ARID2: variants seen among roughly 807,000 people sequenced by gnomAD.
ARID2 encodes the protein AT-rich interactive domain-containing protein 2.
Under a neutral mutation model 184.6 loss-of-function variants are expected in ARID2, and 32 were observed. That is an observed-to-expected ratio of 0.17 (90% CI 0.13 to 0.23). The LOEUF is 0.23. Among genes scored for constraint, ARID2 ranks in the 10% least tolerant of loss-of-function variants. The probability of loss-of-function intolerance (pLI) is 1.00; values close to 1 mark genes in which losing one functional copy is unlikely to be tolerated. For missense variants in ARID2, 1,696 were observed against 2,197.6 expected, an observed-to-expected ratio of 0.77 and a Z score of 4.56; for synonymous variants, 836 against 772.6, an observed-to-expected ratio of 1.08 and a Z score of -1.36.
intron 6 of ARID2, among the ~76,000 whole-genome samples, chr12:45,821,804 G>A (rs140706663): frequency 6.6e-6 from 1 of 152,236 alleles, no homozygotes; most frequent in Non-Finnish European, 1.5e-5. Flanking sequence ...TGTGTGTTCT[G>A]AAACTATGCA....
chr12:45,846,923 G>A lies in ARID2; in HGVS notation c.1566G>A (p.Lys522=). 28 of 1,612,960 alleles carry A rather than the reference G, an allele frequency of 1.7e-5. No homozygotes were observed. The highest frequency in any genetic ancestry group is 2.3e-5 in the Non-Finnish European group (27 of 1,179,252). ...GAATAGTGGAAATAGATAGTGAGAAGTTTGCTTGTCAGTGGTAAGTGGTTT... is the reference window on the plus strand; with the variant it reads ...GAATAGTGGAAATAGATAGTGAGAAATTTGCTTGTCAGTGGTAAGTGGTTT... ...PPGIVEIDSE[K]FACQWLNAHF... The change falls in exon 12 of 21, where the codon AAG becomes AAA. Residue 522 remains lysine (K), a synonymous_variant. Transcript: ENST00000334344.
chr12:45,841,342 A>C (rs1943338913), intron 11 of ARID2: 1 of 151,370 alleles, frequency 6.6e-6, no homozygotes, highest in Non-Finnish European at 1.5e-5. Context: ...TTTGTGGCTT[A>C]TTCATTTATG....
chr12:45,749,225 AAAC>A (rs1264302057), intron 3 of ARID2, among the ~76,000 whole-genome samples: 1 of 152,244 alleles, frequency 6.6e-6, no homozygotes, highest in Non-Finnish European at 1.5e-5. Context: ...AGCAGCATGA[AAAC>A]AACATTCATC....
At chr12:45,800,585 C>A (rs1005314220) in intron 3 of ARID2, among the ~76,000 whole-genome samples, 2 of 151,990 alleles carry the variant, frequency 1.3e-5, no homozygotes, top group Non-Finnish European at 2.9e-5. Flanking sequence ...AATAAAGATA[C>A]CTCTTTAAGC....
intron 16 of ARID2, among the ~76,000 whole-genome samples, chr12:45,879,541 C>T (rs1208106350): frequency 2.0e-5 from 3 of 152,180 alleles, no homozygotes; most frequent in South Asian, 2.1e-4. Context: ...CTGCAAGTTA[C>T]GGGCTCCAGC....
chr12:45,801,095 G>A (rs1260129706), intron 3 of ARID2, among the ~76,000 whole-genome samples: 1 of 152,210 alleles, frequency 6.6e-6, no homozygotes, highest in East Asian at 1.9e-4. Flanking sequence ...GGCGGATCAC[G>A]AGGTCAGGAG....
At chr12:45,821,610 A>G (rs886807128) in intron 6 of ARID2, 123 bp downstream of exon 6, 1 of 477,268 alleles carries the variant, frequency 2.1e-6, no homozygotes, top group African/African-American at 2.0e-5. Context: ...CCTAATACAT[A>G]TGCCATACAC....
chr12:45,745,517 G>T (rs769234138), intron 3 of ARID2, among the ~76,000 whole-genome samples: 9 of 152,090 alleles, frequency 5.9e-5, no homozygotes, highest in Non-Finnish European at 8.8e-5. Context: ...GACTATCAGA[G>T]ATTTCTTTGC....
intron 20 of ARID2, among the ~76,000 whole-genome samples, chr12:45,899,791 A>C (rs185463136): frequency 3.5e-5 from 5 of 143,230 alleles, no homozygotes; most frequent in African/African-American, 5.1e-5. Flanking sequence ...CCCCCCTCCC[A>C]CCTCCAAGGG....
intron 11 of ARID2, among the ~76,000 whole-genome samples, chr12:45,846,251 C>A (rs1224165536): frequency 6.6e-6 from 1 of 151,790 alleles, no homozygotes; most frequent in Admixed American, 6.6e-5. Flanking sequence ...TTTTTTTCTT[C>A]CCCAGAAAAA....
intron 3 of ARID2, among the ~76,000 whole-genome samples, chr12:45,743,080 A>G (rs887277018): frequency 1.7e-4 from 26 of 151,960 alleles, no homozygotes; most frequent in Non-Finnish European, 2.9e-5. Context: ...TTGGCTGGGC[A>G]TGGTGGCTCA....
In ARID2 at chr12:45,874,699, C is replaced by A. The variant is rs551522424; in HGVS notation, c.4922+13750C>A. Among the ~76,000 whole-genome samples the A allele has an allele frequency of 1.1e-4, 17 of 152,322 alleles. No individual in the cohort carries two copies. In the South Asian group the frequency reaches 3.5e-3, roughly 32 times the overall value. ...CTGCTAATGTTCATATTTCGACCTC[C>A]TCCCATGAATCACGAATGTTCTTAG... On this transcript the variant is annotated intron_variant, in intron 16 of 20. Coordinates refer to ENST00000334344, the MANE Select transcript of ARID2 (RefSeq NM_152641.4).
intron 6 of ARID2, among the ~76,000 whole-genome samples, chr12:45,832,375 G>T (rs1212373101): frequency 6.6e-6 from 1 of 152,042 alleles, no homozygotes; most frequent in Non-Finnish European, 1.5e-5. Flanking sequence ...TTTACTTGGG[G>T]TTCATTTAGT....
At chr12:45,780,319 A>G (rs1942065077) in intron 3 of ARID2, among the ~76,000 whole-genome samples, 1 of 152,214 alleles carries the variant, frequency 6.6e-6, no homozygotes, top group Non-Finnish European at 1.5e-5. Flanking sequence ...ACTTCATGGG[A>G]ATAAATGGCC....
intron 3 of ARID2, among the ~76,000 whole-genome samples, chr12:45,747,072 C>T (rs926273805): frequency 2.0e-5 from 3 of 152,056 alleles, no homozygotes; most frequent in Non-Finnish European, 4.4e-5. Context: ...CCCGGCTGGA[C>T]CTAGTATTTA....
intron 4 of ARID2, among the ~76,000 whole-genome samples, chr12:45,817,184 C>T (rs1005121297): frequency 6.6e-6 from 1 of 152,034 alleles, no homozygotes; most frequent in African/African-American, 2.4e-5. Flanking sequence ...ATAGGGAGAC[C>T]TCTCTCTACT....
At chr12:45,820,726 C>G (rs1161279598) in intron 5 of ARID2, among the ~76,000 whole-genome samples, 1 of 152,074 alleles carries the variant, frequency 6.6e-6, no homozygotes, top group Admixed American at 6.5e-5. Flanking sequence ...ATTGACAATT[C>G]GAGCTAGCAG....
chr12:45,775,572 A>T (rs930733130), intron 3 of ARID2, among the ~76,000 whole-genome samples: 2 of 152,220 alleles, frequency 1.3e-5, no homozygotes, highest in African/African-American at 4.8e-5. Context: ...GGAAGGGAGA[A>T]TAACATTACA....
In ARID2 at chr12:45,851,940, C is replaced by A. The variant is rs1943558932; in HGVS notation, c.3817C>A (p.Arg1273=). ...IEVMENPSCR[R]GATNTSNGDT... is the part of the protein sequence containing the mutation. ...AGTCATGGAGAACCCGTCCTGCCGA[C>A]GAGGAGCCACAAACACCAGCAATGG... Residue 1273 remains arginine, a synonymous_variant, in exon 15 of 21, where the codon CGA becomes AGA. Transcript: ENST00000334344. 6.2e-7 allele frequency: 1 copy of A among 1,614,104 alleles called. No homozygotes were observed. Among genetic ancestry groups the A allele is most frequent in the Non-Finnish European group, 8.5e-7 (1 of 1,180,002 alleles).
Sources: allele counts gnomAD v4.1 joint callset (sites outside exome capture counted in the v4.1 genomes callset), GRCh38; gene constraint gnomAD v4.1.1; transcripts MANE v1.5; gene names NCBI Gene and HGNC (gene_info 2026-07-23, HGNC 2026-07-21).